ZNF395: variants seen among roughly 807,000 people sequenced by gnomAD.
ZNF395 encodes HD gene regulatory region-binding protein 2.
A neutral mutation model predicts 57.7 loss-of-function variants in ZNF395; 20 were observed. The observed-to-expected ratio is 0.35, with a 90% CI of 0.24 to 0.50. The LOEUF is 0.50. ZNF395 is among the 20% of genes least tolerant of loss of function. The pLI is 0.97. For missense variants in ZNF395, 606 were observed against 671.2 expected, an observed-to-expected ratio of 0.90 and a Z score of 1.07; for synonymous variants, 295 against 275.9, an observed-to-expected ratio of 1.07 and a Z score of -0.69.
chr8:28,384,097 C>A (rs985226350), intron 1 of ZNF395, among the ~76,000 whole-genome samples: 1 of 152,196 alleles, frequency 6.6e-6, no homozygotes, highest in Non-Finnish European at 1.5e-5. Context: ...ACTCTGGCCA[C>A]CCTGCAACTC....
intron 1 of ZNF395, among the ~76,000 whole-genome samples, chr8:28,381,167 G>A (rs753841898): frequency 2.0e-5 from 3 of 151,838 alleles, no homozygotes; most frequent in Non-Finnish European, 4.4e-5. Flanking sequence ...TCAGCCTCCC[G>A]AGCAGCTTGG....
At chr8:28,374,777 T>G (rs1283551884) in intron 1 of ZNF395, among the ~76,000 whole-genome samples, 1 of 152,180 alleles carries the variant, frequency 6.6e-6, no homozygotes, top group Admixed American at 6.5e-5. Flanking sequence ...GTAATTCCAG[T>G]TCTTCCAACC....
intron 4 of ZNF395, among the ~76,000 whole-genome samples, chr8:28,354,823 C>T (rs896813784): frequency 1.1e-4 from 16 of 150,414 alleles, no homozygotes; most frequent in Admixed American, 2.0e-4. Context: ...GATAGGAAAA[C>T]GATCAGGGAG....
At chr8:28,354,985 A>T (rs1304076588) in intron 4 of ZNF395, among the ~76,000 whole-genome samples, 1 of 152,042 alleles carries the variant, frequency 6.6e-6, no homozygotes, top group African/African-American at 2.4e-5. Flanking sequence ...TGAAATCTGC[A>T]TGGCAGATTT....
intron 1 of ZNF395, among the ~76,000 whole-genome samples, chr8:28,372,791 C>T (rs2129982523): frequency 6.6e-6 from 1 of 152,142 alleles, no homozygotes; most frequent in Non-Finnish European, 1.5e-5. Flanking sequence ...GTCTCAGGGC[C>T]GGCGGGGATA....
In ZNF395 at chr8:28,370,767, C is replaced by T. The variant is rs149642023; in HGVS notation, c.-58-9585G>A. 8.1e-3 allele frequency among the ~76,000 whole-genome samples: 1,227 copies of T among 152,254 alleles called. 21 individuals are homozygous for T. Among genetic ancestry groups the T allele is most frequent in the African/African-American group, 0.027 (1,137 of 41,544 alleles). ...CTGAGGGGGCTGACACACACACCCC[C>T]GCCACCTCAGGCCAGCAGGTAGACT... On this transcript the variant is annotated intron_variant, in intron 1 of 9. Coordinates refer to ENST00000344423, the MANE Select transcript of ZNF395 (RefSeq NM_018660.3).
intron 1 of ZNF395, among the ~76,000 whole-genome samples, chr8:28,382,220 A>G (rs1483100611): frequency 5.3e-5 from 8 of 152,082 alleles, no homozygotes; most frequent in Non-Finnish European, 1.2e-4. Flanking sequence ...TGAACACCAG[A>G]TCTGACTCTT....
In ZNF395 at chr8:28,351,478, C is replaced by A. The variant is rs191502138; in HGVS notation, c.1233+17G>T. The A allele has an allele frequency of 2.4e-5, 38 of 1,566,468 alleles. No homozygotes were observed. The highest frequency in any genetic ancestry group is 2.9e-5 in the Non-Finnish European group (33 of 1,151,408). ...GTCAGCTATGAGCCTGAGCCTCCAG[C>A]GAGCCCCGCCCCATACCTGGTATGC... On this transcript the variant is annotated intron_variant, in intron 7 of 9. Transcript: ENST00000344423.
rs924193714 is a variant in ZNF395 at position 28,349,597 on chromosome 8, G to A, written c.1327-369C>T. The stretch of plus-strand genomic sequence containing the variant: ...CTGCAGGAGATAACTCAAGACCAGC[G>A]CCTGCTAGGTAGAGTTCAAAATGAC... On this transcript the variant is annotated intron_variant, in intron 8 of 9. Coordinates refer to ENST00000344423, the MANE Select transcript of ZNF395 (RefSeq NM_018660.3). 2.6e-5 allele frequency among the ~76,000 whole-genome samples: 4 copies of A among 152,218 alleles called. No homozygotes were observed. The South Asian group carries it at 6.2e-4, about 24-fold the overall frequency.
At position 28,353,363 on chromosome 8, in the gene ZNF395, G is replaced by A. The variant is rs548968299; in HGVS notation, c.629C>T (p.Ser210Leu). 5.0e-6 allele frequency: 8 copies of A among 1,592,048 alleles called. No individual in the cohort carries two copies. Among genetic ancestry groups the A allele is most frequent in the South Asian group, 1.1e-5 (1 of 87,374 alleles). Residue 210 changes from serine to leucine, a missense_variant, in exon 5 of 10, where the codon TCG (serine) becomes TTG (leucine). Physicochemically the swap from Ser to Leu is moderately radical, Grantham distance 145. Around this residue, in one of 3 missense-constraint regions of ZNF395, gnomAD observed 309 missense variants for 374.7 expected, o/e 0.82. Coordinates refer to ENST00000344423, the MANE Select transcript of ZNF395 (RefSeq NM_018660.3). Reference protein sequence around the residue: ...CDPWKESGDISDSGSSTTSGH... With the variant: ...CDPWKESGDILDSGSSTTSGH... ...GCTGGTAGTGCTGCTGCCGCTGTCC[G>A]AGATGTCACCACTCTCCTTCCATGG...
intron 1 of ZNF395, among the ~76,000 whole-genome samples, chr8:28,384,038 G>A (rs899276638): frequency 1.1e-4 from 17 of 152,092 alleles, no homozygotes. Context: ...TATTTCAACA[G>A]TAATGTTTCT....
chr8:28,385,391 T>A (rs1298061844), intron 1 of ZNF395: 1 of 140,424 alleles, frequency 7.1e-6, no homozygotes, highest in Non-Finnish European at 1.5e-5. Context: ...ACAAACTCCC[T>A]GTGCAGCCCC....
intron 1 of ZNF395, among the ~76,000 whole-genome samples, chr8:28,368,904 C>T (rs984284999): frequency 2.0e-5 from 3 of 152,008 alleles, no homozygotes; most frequent in Non-Finnish European, 2.9e-5. Context: ...GGCGCCATCT[C>T]GGCTCACTGC....
rs1311772995 is a variant in ZNF395, at chr8:28,348,226, C to T, written c.*493G>A. On this transcript the variant is annotated 3_prime_UTR_variant, in exon 10 of 10. Coordinates refer to ENST00000344423, the MANE Select transcript of ZNF395 (RefSeq NM_018660.3). Reference sequence around the variant, plus strand: ...CCCCTCTGCCCCACGGCCAGGCAGTCCTGCACTCTGAGTCACCCATCAGCC... The same window carrying T: ...CCCCTCTGCCCCACGGCCAGGCAGTTCTGCACTCTGAGTCACCCATCAGCC... 1 of 154,630 alleles carries T rather than the reference C, an allele frequency of 6.5e-6. No homozygotes were observed. Among genetic ancestry groups the T allele is most frequent in the Non-Finnish European group, 1.4e-5 (1 of 70,602 alleles). The allele number at this position is 154,630 out of a possible 1,614,324, so 9.6% of individuals were successfully genotyped here.
At chr8:28,373,353 TAG>T (rs1374610769) in intron 1 of ZNF395, among the ~76,000 whole-genome samples, 1 of 152,176 alleles carries the variant, frequency 6.6e-6, no homozygotes, top group Non-Finnish European at 1.5e-5. Flanking sequence ...ACAAGTTCTA[TAG>T]AGAGATAGAG....
intron 9 of ZNF395, 59 bp from the exon 10 acceptor site, chr8:28,348,889 G>A: frequency 1.3e-6 from 2 of 1,549,216 alleles, no homozygotes; most frequent in South Asian, 1.1e-5. Flanking sequence ...CAGGAGAGTG[G>A]CCAAGTGGGG....
chr8:28,385,412 CG>C (rs1802163680), intron 1 of ZNF395: 1 of 151,662 alleles, frequency 6.6e-6, no homozygotes. Flanking sequence ...GCCCCCCCCC[CG>C]GGCACCCGCG....
At chr8:28,358,156 T>C (rs999736627) in intron 3 of ZNF395, among the ~76,000 whole-genome samples, 120 of 143,992 alleles carry the variant, frequency 8.3e-4, no homozygotes, top group African/African-American at 2.5e-3. Context: ...TTTTTCTTTT[T>C]TTTTTTTTTT....
intron 8 of ZNF395, among the ~76,000 whole-genome samples, chr8:28,349,596 C>T (rs1356819459): frequency 3.3e-5 from 5 of 152,196 alleles, no homozygotes; most frequent in African/African-American, 1.2e-4. Context: ...TCAAGACCAG[C>T]GCCTGCTAGG....
Sources: gnomAD v4.1 joint callset for allele counts (sites outside exome capture counted in the v4.1 genomes callset) on GRCh38, gnomAD v4.1.1 for gene constraint, gnomAD v4.1.1 regional missense constraint, MANE v1.5 for transcripts, NCBI Gene and HGNC (gene_info 2026-07-23, HGNC 2026-07-21) for gene names.